PRKN: variants seen among roughly 807,000 people sequenced by gnomAD.
PRKN encodes the protein E3 ubiquitin-protein ligase parkin.
In PRKN, 56 loss-of-function variants were observed where a neutral mutation model predicts 59.5. The ratio of observed to expected loss-of-function variants is 0.94; its 90% CI spans 0.76 to 1.18. The LOEUF is 1.18. Ranked by LOEUF, PRKN falls within the 50% of genes most tolerant of loss-of-function variation. The pLI is 0.00. For synonymous variants in PRKN, 250 were observed against 222.1 expected (o/e 1.13, Z -1.12); for missense variants, 657 against 596.4 (o/e 1.10, Z -1.06).
intron 4 of PRKN, among the ~76,000 whole-genome samples, chr6:162,086,471 A>G (rs910080538): frequency 4.0e-5 from 6 of 150,020 alleles, no homozygotes; most frequent in African/African-American, 1.5e-4. Flanking sequence ...GGAGGAGCAA[A>G]ACGACTCGCT....
At chr6:161,676,850 A>T (rs1260956879) in intron 7 of PRKN, among the ~76,000 whole-genome samples, 3 of 152,176 alleles carry the variant, frequency 2.0e-5, no homozygotes, top group Non-Finnish European at 2.9e-5. Context: ...TTCTGAGAAA[A>T]AAAGTTGGCT....
chr6:161,370,159 C>T (rs6924178), intron 10 of PRKN, among the ~76,000 whole-genome samples: 27,213 of 151,766 alleles, frequency 0.18, 2,702 homozygotes, highest in Middle Eastern at 0.23. Flanking sequence ...TATGGGAGGC[C>T]GAGGCAGGAG....
At chr6:161,635,588 C>T (rs895917779) in intron 7 of PRKN, among the ~76,000 whole-genome samples, 3 of 152,222 alleles carry the variant, frequency 2.0e-5, no homozygotes, top group Admixed American at 6.5e-5. Flanking sequence ...TGAGCATCAT[C>T]AGACGCACTA....
intron 6 of PRKN, among the ~76,000 whole-genome samples, chr6:161,867,067 C>A (rs1004534626): frequency 6.6e-6 from 1 of 152,174 alleles, no homozygotes; most frequent in Non-Finnish European, 1.5e-5. Flanking sequence ...CTGAACCATG[C>A]ATTATTTTAG....
intron 3 of PRKN, among the ~76,000 whole-genome samples, chr6:162,241,005 T>C (rs1157142708): frequency 6.6e-6 from 1 of 152,248 alleles, no homozygotes; most frequent in Non-Finnish European, 1.5e-5. Flanking sequence ...GCCATTTTAC[T>C]CTAAAGCAGA....
chr6:161,852,881 G>A (rs1029959889), intron 6 of PRKN, among the ~76,000 whole-genome samples: 6 of 152,274 alleles, frequency 3.9e-5, no homozygotes, highest in Admixed American at 2.0e-4. Context: ...AGTGAGCACC[G>A]CGTGGGCCTC....
At chr6:161,995,288 T>G (rs1781799586) in intron 5 of PRKN, among the ~76,000 whole-genome samples, 1 of 152,068 alleles carries the variant, frequency 6.6e-6, no homozygotes, top group Non-Finnish European at 1.5e-5. Context: ...CAGAATGACT[T>G]AAACATAAAA....
chr6:162,463,477 G>A (rs908538582), intron 1 of PRKN, among the ~76,000 whole-genome samples: 2 of 152,146 alleles, frequency 1.3e-5, no homozygotes, highest in Admixed American at 1.3e-4. Context: ...CAAAGGTAGT[G>A]TCTTCCTCTG....
intron 1 of PRKN, among the ~76,000 whole-genome samples, chr6:162,663,231 C>T (rs1166508340): frequency 6.6e-6 from 1 of 152,104 alleles, no homozygotes; most frequent in Admixed American, 6.5e-5. Flanking sequence ...CACAATAACC[C>T]TGTGAGGCAG....
chr6:162,115,403 A>C (rs1057456095), intron 4 of PRKN, among the ~76,000 whole-genome samples: 1 of 152,024 alleles, frequency 6.6e-6, no homozygotes, highest in Non-Finnish European at 1.5e-5. Flanking sequence ...CTAGATGACG[A>C]GTTAGTGGGT....
At chr6:161,977,541 GGTTTTT>G (rs1781084473) in intron 5 of PRKN, among the ~76,000 whole-genome samples, 1 of 98,714 alleles carries the variant, frequency 1.0e-5, no homozygotes, top group African/African-American at 4.6e-5. Flanking sequence ...CTGTTTTTTT[GGTTTTT>G]TTTTTTTTTT....
intron 6 of PRKN, among the ~76,000 whole-genome samples, chr6:161,958,671 G>A (rs552188273): frequency 6.6e-6 from 1 of 152,104 alleles, no homozygotes; most frequent in Admixed American, 6.6e-5. Flanking sequence ...CTGAGGTCAG[G>A]AGTTTCAGAC....
chr6:161,731,080 ATGTTGCATTCTTTCTGATG>A (rs1377392476), intron 7 of PRKN, among the ~76,000 whole-genome samples: 2 of 151,482 alleles, frequency 1.3e-5, no homozygotes, highest in Non-Finnish European at 2.9e-5. Context: ...TCTTTCTGAT[ATGTTGCATTCTTTCTGATG>A]TGTTGCATTC....
chr6:162,637,434 C>G (rs1396687668), intron 1 of PRKN, among the ~76,000 whole-genome samples: 1 of 152,118 alleles, frequency 6.6e-6, no homozygotes, highest in Non-Finnish European at 1.5e-5. Context: ...TTCTAAAATT[C>G]TAAACAGTAG....
chr6:162,052,394 C>T (rs1365151782), intron 5 of PRKN, among the ~76,000 whole-genome samples: 1 of 152,032 alleles, frequency 6.6e-6, no homozygotes, highest in African/African-American at 2.4e-5. Flanking sequence ...CATCCTTATA[C>T]TCTATCCTTG....
chr6:162,334,136 C>T (rs1407941704), intron 2 of PRKN, among the ~76,000 whole-genome samples: 4 of 152,206 alleles, frequency 2.6e-5, no homozygotes, highest in Non-Finnish European at 4.4e-5. Context: ...AGGAAAGAAA[C>T]TGTCTCCATC....
At chr6:162,573,178 C>T (rs898845106) in intron 1 of PRKN, among the ~76,000 whole-genome samples, 1 of 152,110 alleles carries the variant, frequency 6.6e-6, no homozygotes, top group African/African-American at 2.4e-5. Flanking sequence ...AGTTCCAAGC[C>T]TTGGACTGAA....
At chr6:161,764,671 A>G (rs1179856959) in intron 7 of PRKN, among the ~76,000 whole-genome samples, 2 of 152,220 alleles carry the variant, frequency 1.3e-5, no homozygotes, top group Non-Finnish European at 2.9e-5. Context: ...TGTTTTCTGT[A>G]ATATGAATAA....
In PRKN at chr6:161,457,189, T is replaced by C. The variant is rs557106080; in HGVS notation, c.1084-70312A>G. Among the ~76,000 whole-genome samples the C allele has an allele frequency of 5.1e-4, 77 of 152,326 alleles. 3 individuals are homozygous for C. In the South Asian group the frequency reaches 0.016, roughly 31 times the overall value. On this transcript the variant is annotated intron_variant, in intron 9 of 11. Transcript: ENST00000366898. The surrounding 1 kb of genome is among the most constrained non-coding windows in gnomAD (Gnocchi z 5.0). ...TACCAAAGTTAAACCCATGAGATTTTGTAATAAAGCCAAGGCTAATAATAA... is the reference window on the plus strand; with the variant it reads ...TACCAAAGTTAAACCCATGAGATTTCGTAATAAAGCCAAGGCTAATAATAA...
Sources: gnomAD v4.1 joint callset for allele counts (sites outside exome capture counted in the v4.1 genomes callset) on GRCh38, gnomAD v4.1.1 for gene constraint, Gnocchi (gnomAD v3.1) non-coding constraint, MANE v1.5 for transcripts, NCBI Gene and HGNC (gene_info 2026-07-23, HGNC 2026-07-21) for gene names.